Variants in SRRD observed in about 807,000 individuals in gnomAD.
SRRD encodes SRR1-like protein.
In SRRD, 28 loss-of-function variants were observed where a neutral mutation model predicts 30.7. The ratio of observed to expected loss-of-function variants is 0.91; its 90% CI spans 0.68 to 1.25. The LOEUF is 1.25. Ranked by LOEUF, SRRD falls within the 50% of genes most tolerant of loss-of-function variation. The pLI is 0.00. For synonymous variants in SRRD, 161 were observed against 159.6 expected (o/e 1.01, Z -0.07); for missense variants, 415 against 417.3 (o/e 0.99, Z 0.05).
At position 26,488,072 on chromosome 22, in the gene SRRD, G is replaced by T; in HGVS notation, c.294G>T (p.Lys98Asn). The T allele has an allele frequency of 1.2e-6, 2 of 1,613,524 alleles. No individual in the cohort carries two copies. Among genetic ancestry groups the T allele is most frequent in the Non-Finnish European group, 1.7e-6 (2 of 1,179,794 alleles). Residue 98 changes from lysine to asparagine, a missense_variant, in exon 3 of 7, where the codon AAG becomes AAT. Physicochemically the swap from Lys to Asn is moderately conservative, Grantham distance 94. Transcript: ENST00000215917. ...TCACAAAACATCTGGAACAACTGAA[G>T]GCCCCTGTGGGGACTCTTTCAGACA... ...RCLTKHLEQLKAPVGTLSDIF... is the reference protein window; with the variant it reads ...RCLTKHLEQLNAPVGTLSDIF...
rs753388584 is a variant in SRRD, at chr22:26,492,095, A to G, written c.*423A>G. The G allele has an allele frequency of 6.2e-7, 1 of 1,614,004 alleles. No individual in the cohort carries two copies. Among genetic ancestry groups the G allele is most frequent in the Non-Finnish European group, 8.5e-7 (1 of 1,179,950 alleles). ...CTGGACAAAGACCACTCCCCGGTCG[A>G]TGTAGATCACAATGCGGCCAAAGGT... On this transcript the variant is annotated 3_prime_UTR_variant, in exon 7 of 7. Transcript: ENST00000215917.
chr22:26,489,437 G>C (rs554785766), intron 4 of SRRD, among the ~76,000 whole-genome samples: 1 of 152,064 alleles, frequency 6.6e-6, no homozygotes, highest in Non-Finnish European at 1.5e-5. Context: ...TTTGCTAGTG[G>C]GACAGAACCA....
intron 2 of SRRD, among the ~76,000 whole-genome samples, chr22:26,487,816 G>A (rs2091719229): frequency 6.6e-6 from 1 of 152,140 alleles, no homozygotes; most frequent in Admixed American, 6.5e-5. Flanking sequence ...GGAGTCCAGG[G>A]GCCGGGACAG....
rs1921313867 is a variant in SRRD, at chr22:26,492,334, A to T, written c.*662A>T. The T allele has an allele frequency of 6.2e-7, 1 of 1,614,048 alleles. No individual in the cohort carries two copies. The highest frequency in any genetic ancestry group is 1.3e-5 in the African/African-American group (1 of 74,910). ...TCCGCTCCGTGTGGGTGAGATAGGC[A>T]ATGTTCTCCCGTGCTCCTGGCTGCA... On this transcript the variant is annotated 3_prime_UTR_variant, in exon 7 of 7. Coordinates refer to ENST00000215917, the MANE Select transcript of SRRD (RefSeq NM_001013694.3).
chr22:26,490,966 C>A (rs1231429230), intron 5 of SRRD, 59 bp from the exon 6 acceptor site: 4 of 1,473,092 alleles, frequency 2.7e-6, no homozygotes, highest in South Asian at 1.2e-5. Flanking sequence ...TGAAACTATC[C>A]TCATACCTCC....
rs575055761 is a variant in SRRD at position 26,491,780 on chromosome 22, A to G, written c.*108A>G. Reference sequence around the variant, plus strand: ...GAGAACTCCTTTGCCAGGAAAGAACATCAACTTGGCTGTCCTGTTTTGAGG... The same window carrying G: ...GAGAACTCCTTTGCCAGGAAAGAACGTCAACTTGGCTGTCCTGTTTTGAGG... On this transcript the variant is annotated 3_prime_UTR_variant, in exon 7 of 7. Transcript: ENST00000215917. 47 of 1,108,814 alleles carry G rather than the reference A, an allele frequency of 4.2e-5. No individual in the cohort carries two copies. In the East Asian group the frequency reaches 9.4e-4, roughly 22 times the overall value. 68.7% of individuals were successfully genotyped at this position (1,108,814 alleles called of 1,614,324 possible). A position where few individuals can be genotyped will look rare whatever the true frequency, so the allele number is the denominator to read the frequency against.
rs762981297 is a variant in SRRD at position 26,491,964 on chromosome 22, A to G, written c.*292A>G. On this transcript the variant is annotated 3_prime_UTR_variant, in exon 7 of 7. Coordinates refer to ENST00000215917, the MANE Select transcript of SRRD (RefSeq NM_001013694.3). ...TCTAAAAATACTGTTTATTTACAGT[A>G]CATCCCTCTTAGGGGCAAGTCTCTG... 2 of 1,501,244 alleles carry G rather than the reference A, an allele frequency of 1.3e-6. No individual in the cohort carries two copies. The highest frequency in any genetic ancestry group is 1.4e-5 in the African/African-American group (1 of 72,024). The allele number at this position is 1,501,244 out of a possible 1,614,324, so 93.0% of individuals were successfully genotyped here.
intron 4 of SRRD, among the ~76,000 whole-genome samples, chr22:26,489,336 A>T (rs939565972): frequency 2.6e-5 from 4 of 152,108 alleles, no homozygotes; most frequent in African/African-American, 9.7e-5. Context: ...GGAATGAAAT[A>T]CTGAGGCAGA....
chr22:26,490,429 G>A (rs2147110721), intron 5 of SRRD, among the ~76,000 whole-genome samples: 1 of 152,126 alleles, frequency 6.6e-6, no homozygotes, highest in Middle Eastern at 3.4e-3. Flanking sequence ...ACACAGAAAT[G>A]GTTTTGAAAA....
At chr22:26,485,320 C>T (rs886726696) in intron 1 of SRRD, among the ~76,000 whole-genome samples, 8 of 152,226 alleles carry the variant, frequency 5.3e-5, no homozygotes, top group African/African-American at 1.9e-4. Context: ...TACATCAGAA[C>T]TCTCTACCCT....
In SRRD at chr22:26,492,369, C is replaced by T. The variant is rs757671059; in HGVS notation, c.*697C>T. The T allele has an allele frequency of 6.2e-7, 1 of 1,613,856 alleles. No individual in the cohort carries two copies. Among genetic ancestry groups the T allele is most frequent in the Admixed American group, 1.7e-5 (1 of 60,002 alleles). On this transcript the variant is annotated 3_prime_UTR_variant, in exon 7 of 7. Coordinates refer to ENST00000215917, the MANE Select transcript of SRRD (RefSeq NM_001013694.3). ...CGTGCTCCTGGCTGCATGTAGGCAC[C>T]TAAGATACAGGAGGACAGGGCGGTG... is the stretch of plus-strand genomic sequence containing the variant.
intron 6 of SRRD, 162 bp downstream of exon 6, chr22:26,491,232 T>C: frequency 1.3e-6 from 1 of 786,784 alleles, no homozygotes; most frequent in Non-Finnish European, 2.1e-6. Context: ...GACTCTTTAA[T>C]GCATCTCTTA....
At chr22:26,487,391 G>T (rs886749545) in intron 2 of SRRD, among the ~76,000 whole-genome samples, 1 of 151,906 alleles carries the variant, frequency 6.6e-6, no homozygotes, top group Non-Finnish European at 1.5e-5. Context: ...ATGGAGTCTT[G>T]CTCTGTTGCC....
intron 6 of SRRD, 56 bp from the exon 7 acceptor site, chr22:26,491,407 A>C: frequency 7.5e-7 from 1 of 1,327,648 alleles, no homozygotes; most frequent in Non-Finnish European, 1.1e-6. Flanking sequence ...TTATCCCAGA[A>C]GAGTGGGGAT....
chr22:26,490,161 G>T lies in SRRD; in HGVS notation c.727G>T (p.Val243Phe), dbSNP rs1357287172. 1 of 1,614,016 alleles carries T rather than the reference G, an allele frequency of 6.2e-7. No homozygotes were observed. The highest frequency in any genetic ancestry group is 1.3e-5 in the African/African-American group (1 of 74,902). ...NWSVDALSKM[V>F]IIGNSFKGLE... is the part of the protein sequence containing the mutation. ...GTCAGTAGATGCCCTTTCTAAGATGGTCATCATTGGGAACAGTTTCAAAGG... is the reference window on the plus strand; with the variant it reads ...GTCAGTAGATGCCCTTTCTAAGATGTTCATCATTGGGAACAGTTTCAAAGG... Residue 243 changes from valine to phenylalanine, a missense_variant, in exon 5 of 7, where the codon GTC becomes TTC. Transcript: ENST00000215917.
At chr22:26,487,947 T>C in intron 2 of SRRD, 82 bp from the exon 3 acceptor site, 8 of 1,470,076 alleles carry the variant, frequency 5.4e-6, no homozygotes, top group Non-Finnish European at 7.3e-6. Flanking sequence ...TCTCCCCAAA[T>C]ATGTGAACTT....
rs376430909 is a variant in SRRD at position 26,491,565 on chromosome 22, C to G, written c.913C>G (p.Gln305Glu). The G allele has an allele frequency of 2.7e-5, 43 of 1,613,954 alleles. No homozygotes were observed. Among genetic ancestry groups the G allele is most frequent in the Non-Finnish European group, 3.6e-5 (43 of 1,179,920 alleles). Residue 305 changes from glutamine (Q) to glutamate (E), a missense_variant, in exon 7 of 7, where the codon CAG becomes GAG. By Grantham distance (29) the Gln-to-Glu change is conservative. Transcript: ENST00000215917. The part of the protein sequence containing the change: ...VHWFPVQKLE[Q>E]LSIDIWEFRE... Reference sequence around the variant, plus strand: ...CTGGTTCCCTGTGCAAAAGCTAGAACAGCTCTCCATAGATATTTGGGAGTT... The same window carrying G: ...CTGGTTCCCTGTGCAAAAGCTAGAAGAGCTCTCCATAGATATTTGGGAGTT...
chr22:26,487,855 A>G (rs1481233224), intron 2 of SRRD, 174 bp from the exon 3 acceptor site: 2 of 657,426 alleles, frequency 3.0e-6, no homozygotes, highest in African/African-American at 3.6e-5. Context: ...ATGTGACTGT[A>G]TGTCCAGGCA....
rs1043073539 is a variant in SRRD at position 26,494,630 on chromosome 22, A to G, written c.*2958A>G. The G allele has an allele frequency of 2.0e-6, 2 of 989,286 alleles. No homozygotes were observed. The highest frequency in any genetic ancestry group is 2.9e-6 in the Non-Finnish European group (2 of 683,224). The allele number at this position is 989,286 out of a possible 1,614,324, so 61.3% of individuals were successfully genotyped here. ...TTGGAACAGCTTCTGATACATGGCAAATGTCCAATAAATGGTGCCCACTAT... is the reference window on the plus strand; with the variant it reads ...TTGGAACAGCTTCTGATACATGGCAGATGTCCAATAAATGGTGCCCACTAT... On this transcript the variant is annotated 3_prime_UTR_variant, in exon 7 of 7. Coordinates refer to ENST00000215917, the MANE Select transcript of SRRD (RefSeq NM_001013694.3).
Sources: gnomAD v4.1 joint callset for allele counts (sites outside exome capture counted in the v4.1 genomes callset) on GRCh38, gnomAD v4.1.1 for gene constraint, MANE v1.5 for transcripts, NCBI Gene and HGNC (gene_info 2026-07-23, HGNC 2026-07-21) for gene names.